Variants in FFAR4 observed in about 807,000 individuals in gnomAD.
The protein encoded by FFAR4 is G-protein coupled receptor 120.
Under a neutral mutation model 27.0 loss-of-function variants are expected in FFAR4, and 19 were observed. The observed-to-expected ratio is 0.70, with a 90% CI of 0.49 to 1.03. The LOEUF is 1.03. Among genes scored for constraint, FFAR4 ranks in the 50% least tolerant of loss-of-function variants. The pLI is 0.00. For missense variants in FFAR4, 476 were observed against 479.0 expected, an observed-to-expected ratio of 0.99 and a Z score of 0.06; for synonymous variants, 254 against 215.6, an observed-to-expected ratio of 1.18 and a Z score of -1.56.
chr10:93,587,520 AT>A lies in FFAR4; in HGVS notation c.1003del (p.Cys335AlafsTer12). On this transcript the variant is annotated frameshift_variant, in exon 3 of 3. Transcript: ENST00000371481. LOFTEE classifies it high-confidence loss of function. ...MTLCRNEWKKIFCCFWFPEKG... is the reference protein window; with the variant it reads ...MTLCRNEWKKXFCCFWFPEKG... ...ACTGTGCAGGAATGAGTGGAAGAAA[AT>A]TTTTTGCTGCTTCTGGTTCCCAGAA... 1 of 1,613,634 alleles carries A rather than the reference AT, an allele frequency of 6.2e-7. No homozygotes were observed. The highest frequency in any genetic ancestry group is 8.5e-7 in the Non-Finnish European group (1 of 1,179,940).
In FFAR4 at chr10:93,579,301, C is replaced by T. The variant is rs565528211; in HGVS notation, c.696+3082C>T. The T allele has an allele frequency of 9.8e-4, 1,042 of 1,061,340 alleles. 5 individuals are homozygous for T. The highest frequency in any genetic ancestry group is 9.4e-3 in the African/African-American group (606 of 64,722). The allele number at this position is 1,061,340 out of a possible 1,614,324, so 65.7% of individuals were successfully genotyped here. A position where few individuals can be genotyped will look rare whatever the true frequency, so the allele number is the denominator to read the frequency against. ...CTTAAGGCCCTGTGTGGTCTGGCCC[C>T]GCTGCCGTTCTCACCTTCATATTTC... On this transcript the variant is annotated intron_variant, in intron 2 of 2. Transcript: ENST00000371481.
chr10:93,580,865 C>T (rs1291228444), intron 2 of FFAR4, among the ~76,000 whole-genome samples: 3 of 152,230 alleles, frequency 2.0e-5, no homozygotes, highest in South Asian at 2.1e-4. Context: ...GTGACTCAAA[C>T]ATGCCATACA....
intron 2 of FFAR4, among the ~76,000 whole-genome samples, chr10:93,583,373 G>T (rs56096223): frequency 6.7e-6 from 1 of 149,756 alleles, no homozygotes; most frequent in Non-Finnish European, 1.5e-5. Context: ...CCGAGATGGC[G>T]CCACTGCACT....
intron 2 of FFAR4, among the ~76,000 whole-genome samples, chr10:93,576,480 A>G (rs2058164857): frequency 6.6e-6 from 1 of 152,238 alleles, no homozygotes; most frequent in Non-Finnish European, 1.5e-5. Flanking sequence ...CATAAATGTA[A>G]ATAACACAGA....
chr10:93,578,684 C>T (rs1018871649), intron 2 of FFAR4, among the ~76,000 whole-genome samples: 1 of 152,176 alleles, frequency 6.6e-6, no homozygotes, highest in Non-Finnish European at 1.5e-5. Flanking sequence ...CTGCCTGTAG[C>T]AGGTGATGAA....
rs2058162498 is a variant in FFAR4 at position 93,576,135 on chromosome 10, G to C, written c.612G>C (p.Glu204Asp). 1.2e-6 allele frequency: 2 copies of C among 1,613,634 alleles called. No individual in the cohort carries two copies. Among genetic ancestry groups the C allele is most frequent in the Non-Finnish European group, 1.7e-6 (2 of 1,179,520 alleles). Reference sequence around the variant, plus strand: ...TGATTTGGCCCACCATTCCTGGAGAGATCTCGTGGGATGTCTCTTTTGTTA... The same window carrying C: ...TGATTTGGCCCACCATTCCTGGAGACATCTCGTGGGATGTCTCTTTTGTTA... The part of the protein sequence containing the change: ...CTLIWPTIPG[E>D]ISWDVSFVTL... The change falls in exon 2 of 3, where the codon GAG (glutamate) becomes GAC (aspartate). Residue 204 changes from glutamate to aspartate, a missense_variant. Physicochemically the swap from Glu to Asp is conservative, Grantham distance 45 (BLOSUM62 2). Transcript: ENST00000371481.
chr10:93,585,740 G>A (rs2058223216), intron 2 of FFAR4, among the ~76,000 whole-genome samples: 1 of 152,202 alleles, frequency 6.6e-6, no homozygotes, highest in South Asian at 2.1e-4. Context: ...GTGCCAACAG[G>A]CCCTGTTGAT....
chr10:93,576,328 A>C, intron 2 of FFAR4, 109 bp downstream of exon 2: 1 of 1,127,636 alleles, frequency 8.9e-7, no homozygotes, highest in Non-Finnish European at 1.3e-6. Context: ...ACGCCAGCTC[A>C]ATCTTGATTC....
chr10:93,576,995 A>G (rs1220806429), intron 2 of FFAR4, among the ~76,000 whole-genome samples: 3 of 152,210 alleles, frequency 2.0e-5, no homozygotes, highest in South Asian at 2.1e-4. Flanking sequence ...CCCTCCTATT[A>G]TCTTCCAGTT....
intron 1 of FFAR4, among the ~76,000 whole-genome samples, chr10:93,574,769 C>T (rs2058153262): frequency 6.6e-6 from 1 of 151,968 alleles, no homozygotes; most frequent in South Asian, 2.1e-4. Context: ...TGGCGTGCTC[C>T]TGTGGTCCCA....
chr10:93,574,316 T>C (rs1256978215), intron 1 of FFAR4, among the ~76,000 whole-genome samples: 1 of 152,074 alleles, frequency 6.6e-6, no homozygotes, highest in Non-Finnish European at 1.5e-5. Flanking sequence ...TTGGAAAGAG[T>C]TGGGGGTCTT....
At chr10:93,584,067 C>T (rs948113411) in intron 2 of FFAR4, among the ~76,000 whole-genome samples, 1 of 152,186 alleles carries the variant, frequency 6.6e-6, no homozygotes, top group Non-Finnish European at 1.5e-5. Context: ...GCAGCCCACC[C>T]ACCTGACACC....
chr10:93,590,051 T>C lies in FFAR4; in HGVS notation c.*2442T>C, dbSNP rs2058253344. 1 of 152,258 alleles carries C rather than the reference T, an allele frequency of 6.6e-6. No homozygotes were observed. Among genetic ancestry groups the C allele is most frequent in the Non-Finnish European group, 1.5e-5 (1 of 68,052 alleles). 9.4% of individuals were successfully genotyped at this position (152,258 alleles called of 1,614,324 possible). A position where few individuals can be genotyped will look rare whatever the true frequency, so the allele number is the denominator to read the frequency against. ...CACTTTAGTTAATAGATTTGATCAA[T>C]TAAACCTGTTTTTGGAAGTGATGTG... On this transcript the variant is annotated 3_prime_UTR_variant, in exon 3 of 3. Transcript: ENST00000371481.
At chr10:93,578,663 G>C (rs1336823394) in intron 2 of FFAR4, among the ~76,000 whole-genome samples, 1 of 152,190 alleles carries the variant, frequency 6.6e-6, no homozygotes, top group Non-Finnish European at 1.5e-5. Flanking sequence ...ATGGGACAGA[G>C]AGAGCCATGC....
chr10:93,583,246 CAAAAA>C (rs56030960), intron 2 of FFAR4, among the ~76,000 whole-genome samples: 3 of 102,288 alleles, frequency 2.9e-5, no homozygotes, highest in Admixed American at 1.1e-4. Context: ...ACTAAAAATA[CAAAAA>C]AAAAAAAAAA....
intron 1 of FFAR4, among the ~76,000 whole-genome samples, chr10:93,571,255 C>T (rs1283513160): frequency 6.6e-6 from 1 of 152,136 alleles, no homozygotes; most frequent in African/African-American, 2.4e-5. Context: ...GTGGAGAAGA[C>T]TGTCTATCCT....
At chr10:93,575,860 C>T (rs1046602326) in intron 1 of FFAR4, among the ~76,000 whole-genome samples, 15 of 152,174 alleles carry the variant, frequency 9.9e-5, no homozygotes, top group Non-Finnish European at 2.1e-4. Context: ...GGCTCAGTTG[C>T]TGTCCCTGGA....
At position 93,566,808 on chromosome 10, in the gene FFAR4, G is replaced by A. The variant is rs1368985763; in HGVS notation, c.88G>A (p.Asp30Asn). 24 of 1,606,964 alleles carry A rather than the reference G, an allele frequency of 1.5e-5. No individual in the cohort carries two copies. The highest frequency in any genetic ancestry group is 2.0e-5 in the Non-Finnish European group (23 of 1,178,120). The change falls in exon 1 of 3, where the codon GAC becomes AAC. Residue 30 changes from aspartate (D) to asparagine (N), a missense_variant. Coordinates refer to ENST00000371481, the MANE Select transcript of FFAR4 (RefSeq NM_001195755.2). ...CCGCACCCGCTTTCCCTTCTTCTCCGACGTCAAGGGCGACCACCGGCTGGT... is the reference window on the plus strand; with the variant it reads ...CCGCACCCGCTTTCCCTTCTTCTCCAACGTCAAGGGCGACCACCGGCTGGT... ...ANRTRFPFFS[D>N]VKGDHRLVLA...
intron 2 of FFAR4, among the ~76,000 whole-genome samples, chr10:93,579,589 T>G (rs950856387): frequency 1.3e-5 from 2 of 152,248 alleles, no homozygotes; most frequent in Non-Finnish European, 2.9e-5. Flanking sequence ...ATGACAGTCA[T>G]CTGTCTTGCC....
Sources: gnomAD v4.1 joint callset for allele counts (sites outside exome capture counted in the v4.1 genomes callset) on GRCh38, gnomAD v4.1.1 for gene constraint, MANE v1.5 for transcripts, NCBI Gene and HGNC (gene_info 2026-07-23, HGNC 2026-07-21) for gene names.